The following THEMIS variants were observed in gnomAD, a reference collection of about 807,000 sequenced individuals.
The protein encoded by THEMIS is thymocyte selection associated.
In THEMIS, 37 loss-of-function variants were observed where a neutral mutation model predicts 52.6. The observed-to-expected ratio is 0.70, with a 90% CI of 0.54 to 0.93. The LOEUF is 0.93. Among genes scored for constraint, THEMIS ranks in the 40% least tolerant of loss-of-function variants. The pLI, the probability that THEMIS is intolerant of heterozygous loss-of-function variation, is 0.00. For synonymous variants in THEMIS, 292 were observed against 272.7 expected, an observed-to-expected ratio of 1.07 and a Z score of -0.70; for missense variants, 808 against 763.1, an observed-to-expected ratio of 1.06 and a Z score of -0.69.
intron 1 of THEMIS, among the ~76,000 whole-genome samples, chr6:127,895,182 T>A (rs895674112): frequency 2.0e-5 from 3 of 151,190 alleles, no homozygotes; most frequent in African/African-American, 7.2e-5. Context: ...ACTTCCTTAG[T>A]TGAGTAAAGG....
intron 4 of THEMIS, among the ~76,000 whole-genome samples, chr6:127,728,063 T>C (rs1382914441): frequency 6.6e-6 from 1 of 152,184 alleles, no homozygotes; most frequent in Non-Finnish European, 1.5e-5. Context: ...TAGCTCATGT[T>C]ATCCTGTTTG....
intron 4 of THEMIS, among the ~76,000 whole-genome samples, chr6:127,761,448 C>G (rs1776017887): frequency 6.6e-6 from 1 of 152,176 alleles, no homozygotes; most frequent in Non-Finnish European, 1.5e-5. Flanking sequence ...TGGGACTCCA[C>G]ATGTGAAGAT....
intron 4 of THEMIS, among the ~76,000 whole-genome samples, chr6:127,784,953 AT>A (rs1776875174): frequency 1.2e-4 from 1 of 8,032 alleles, no homozygotes; most frequent in Non-Finnish European, 4.2e-4. Flanking sequence ...CAGTCACACT[AT>A]CTATCTATCT....
chr6:127,813,208 C>T lies in THEMIS; in HGVS notation c.1433G>A (p.Gly478Glu). 6.2e-7 allele frequency: 1 copy of T among 1,614,050 alleles called. No homozygotes were observed. Among genetic ancestry groups the T allele is most frequent in the Non-Finnish European group, 8.5e-7 (1 of 1,179,996 alleles). ...IEEDVLAATP[G>E]LQLEEDITDS... Reference sequence around the variant, plus strand: ...TGTAATGTCCTCCTCCAACTGCAGTCCTGGTGTGGCAGCCAACACGTCCTC... The same window carrying T: ...TGTAATGTCCTCCTCCAACTGCAGTTCTGGTGTGGCAGCCAACACGTCCTC... The change falls in exon 4 of 6, where the codon GGA becomes GAA. Residue 478 changes from glycine (G) to glutamate (E), a missense_variant. Physicochemically the swap from Gly to Glu is moderately conservative, Grantham distance 98. Coordinates refer to ENST00000368248, the MANE Select transcript of THEMIS (RefSeq NM_001010923.3).
At chr6:127,760,621 C>T (rs1039473230) in intron 4 of THEMIS, among the ~76,000 whole-genome samples, 1 of 151,912 alleles carries the variant, frequency 6.6e-6, no homozygotes, top group Non-Finnish European at 1.5e-5. Context: ...TCTATCTCTA[C>T]AAAAAATTAA....
chr6:127,849,139 C>T (rs1779330377), intron 2 of THEMIS, among the ~76,000 whole-genome samples: 1 of 152,052 alleles, frequency 6.6e-6, no homozygotes, highest in Non-Finnish European at 1.5e-5. Flanking sequence ...CAGCTTTCTA[C>T]ATATGGCTAG....
Position 127,812,742 on chromosome 6 carries a change from C to T in THEMIS, c.1758+141G>A, listed in dbSNP as rs1338277508. The T allele has an allele frequency of 7.6e-6, 6 of 787,466 alleles. No homozygotes were observed. In the East Asian group the frequency reaches 1.5e-4, roughly 19 times the overall value. The allele number at this position is 787,466 out of a possible 1,614,324, so 48.8% of individuals were successfully genotyped here. A position where few individuals can be genotyped will look rare whatever the true frequency, so the allele number is the denominator to read the frequency against. ...AGCTTACACACTGTTGATGTTCATT[C>T]ATCTACTGCACATCAGAAAAGCTCA... On this transcript the variant is annotated intron_variant, in intron 4 of 5. Transcript: ENST00000368248.
chr6:127,866,949 T>TTTTATTTTA (rs1779998821), intron 1 of THEMIS, among the ~76,000 whole-genome samples: 1 of 145,698 alleles, frequency 6.9e-6, no homozygotes, highest in Non-Finnish European at 1.5e-5. Context: ...TTTATTTTTA[T>TTTTATTTTA]TTTATTTATT....
intron 2 of THEMIS, among the ~76,000 whole-genome samples, chr6:127,844,863 A>C (rs994980018): frequency 2.6e-5 from 4 of 151,960 alleles, no homozygotes; most frequent in Non-Finnish European, 5.9e-5. Flanking sequence ...AAAATACTTC[A>C]GCTAGAAAGA....
chr6:127,739,818 A>T (rs770012853), intron 4 of THEMIS, among the ~76,000 whole-genome samples: 2 of 152,138 alleles, frequency 1.3e-5, no homozygotes, highest in African/African-American at 2.4e-5. Flanking sequence ...ATTTGGTATG[A>T]ATCCGCAATT....
intron 1 of THEMIS, among the ~76,000 whole-genome samples, chr6:127,915,879 C>T (rs138222361): frequency 0.039 from 5,938 of 152,018 alleles, 653 homozygotes; most frequent in East Asian, 0.37. Flanking sequence ...CCCAGCTACT[C>T]GGGAGGCTGA....
At chr6:127,729,806 T>TCA (rs1435235468) in intron 4 of THEMIS, among the ~76,000 whole-genome samples, 3 of 152,198 alleles carry the variant, frequency 2.0e-5, no homozygotes, top group Non-Finnish European at 4.4e-5. Context: ...TTCATGGCTG[T>TCA]CACCACTGAA....
At chr6:127,912,087 G>T (rs1387412833) in intron 1 of THEMIS, among the ~76,000 whole-genome samples, 1 of 152,130 alleles carries the variant, frequency 6.6e-6, no homozygotes, top group Non-Finnish European at 1.5e-5. Flanking sequence ...ACTACCCAAG[G>T]CTACAGGAAC....
chr6:127,758,363 G>C (rs1775905565), intron 4 of THEMIS, among the ~76,000 whole-genome samples: 1 of 148,408 alleles, frequency 6.7e-6, no homozygotes, highest in South Asian at 2.1e-4. Context: ...AAGAATTTAT[G>C]AAAATACCTT....
intron 4 of THEMIS, among the ~76,000 whole-genome samples, chr6:127,810,060 G>A (rs978204752): frequency 4.0e-5 from 6 of 151,820 alleles, no homozygotes; most frequent in African/African-American, 1.5e-4. Context: ...AATCCTACAT[G>A]TACAGGTTTA....
At chr6:127,768,249 T>C (rs1464934019) in intron 4 of THEMIS, among the ~76,000 whole-genome samples, 1 of 152,204 alleles carries the variant, frequency 6.6e-6, no homozygotes, top group Non-Finnish European at 1.5e-5. Flanking sequence ...AAAATAAATG[T>C]TAACTAACCT....
At position 127,914,328 on chromosome 6, in the gene THEMIS, CAT is replaced by C. The variant is rs527908812; in HGVS notation, c.-150+4098_-150+4099del. ...ATGTCTGTGAAGATACTAAGAAAAA[CAT>C]AGTTTTTCTTTTTCTTGCCACTTTG... On this transcript the variant is annotated intron_variant, in intron 1 of 6. Coordinates refer to the THEMIS transcript ENST00000368250. 6.3e-3 allele frequency among the ~76,000 whole-genome samples: 959 copies of C among 152,234 alleles called. 14 individuals carry two copies. The highest frequency in any genetic ancestry group is 0.022 in the African/African-American group (925 of 41,552).
intron 2 of THEMIS, among the ~76,000 whole-genome samples, chr6:127,839,172 A>T (rs1778964020): frequency 6.6e-6 from 1 of 152,072 alleles, no homozygotes; most frequent in African/African-American, 2.4e-5. Flanking sequence ...ACATAAATTA[A>T]TTCATATGTA....
At chr6:127,792,438 T>A (rs953776370) in intron 4 of THEMIS, among the ~76,000 whole-genome samples, 1 of 152,188 alleles carries the variant, frequency 6.6e-6, no homozygotes, top group Non-Finnish European at 1.5e-5. Context: ...AGGGTTCTGT[T>A]ACATGGGTCA....
Sources: allele counts gnomAD v4.1 joint callset (sites outside exome capture counted in the v4.1 genomes callset), GRCh38; gene constraint gnomAD v4.1.1; transcripts MANE v1.5; gene names NCBI Gene and HGNC (gene_info 2026-07-23, HGNC 2026-07-21).